GRM4: variants seen among roughly 807,000 people sequenced by gnomAD.
GRM4 encodes the protein glutamate metabotropic receptor 4.
Under a neutral mutation model 81.7 loss-of-function variants are expected in GRM4, and 28 were observed. The observed-to-expected ratio is 0.34, with a 90% confidence interval of 0.25 to 0.47. The LOEUF (loss-of-function observed/expected upper bound fraction) is 0.47, where lower values mean the gene tolerates loss of function less well. Among genes scored for constraint, GRM4 ranks in the 20% least tolerant of loss-of-function variants. The pLI is 1.00. For missense variants in GRM4, 948 were observed against 1,290.0 expected (o/e 0.73, Z 4.06); for synonymous variants, 488 against 528.8 (o/e 0.92, Z 1.06).
upstream of GRM4, among the ~76,000 whole-genome samples, chr6:34,147,844 G>A (rs1281005882): frequency 2.0e-5 from 3 of 152,180 alleles, no homozygotes; most frequent in South Asian, 2.1e-4. Flanking sequence ...TTAGGCGGCT[G>A]TAAGTGGGAG....
In GRM4 at chr6:34,068,513, C is replaced by T. The variant is rs1023284535; in HGVS notation, c.737-6485G>A. Among the ~76,000 whole-genome samples the T allele has an allele frequency of 1.3e-5, 2 of 152,084 alleles. No homozygotes were observed. Among genetic ancestry groups the T allele is most frequent in the African/African-American group, 4.8e-5 (2 of 41,382 alleles). On this transcript the variant is annotated intron_variant, in intron 3 of 10. Coordinates refer to ENST00000538487, the MANE Select transcript of GRM4 (RefSeq NM_000841.4). The surrounding 1 kb of genome is among the most constrained non-coding windows in gnomAD (Gnocchi z 4.2). ...CTCCTTGCAGCACTTCCCCATCCTCCCTGGCATGGCTCTCCCCACCCCACC... is the reference window on the plus strand; with the variant it reads ...CTCCTTGCAGCACTTCCCCATCCTCTCTGGCATGGCTCTCCCCACCCCACC...
chr6:34,026,256 C>T (rs1764128394), intron 10 of GRM4, among the ~76,000 whole-genome samples: 2 of 152,316 alleles, frequency 1.3e-5, no homozygotes, highest in South Asian at 2.1e-4. Flanking sequence ...CCTGCTCACA[C>T]CCCCTCCATC....
At chr6:34,081,620 C>T (rs544126319) in intron 3 of GRM4, among the ~76,000 whole-genome samples, 66 of 152,308 alleles carry the variant, frequency 4.3e-4, no homozygotes, top group African/African-American at 1.3e-3. Context: ...GAATCATGTA[C>T]GGCCATACAG....
In GRM4 at chr6:34,031,239, C is replaced by T. The variant is rs140662865; in HGVS notation, c.2443-2873G>A. Among the ~76,000 whole-genome samples, 110 of 152,334 alleles carry T rather than the reference C, an allele frequency of 7.2e-4. 1 individual carries two copies. The Middle Eastern group carries it at 0.01, about 14-fold the overall frequency. ...TCCCACCCACCTGCCTCTTAGCCCGCTGGTGCCTGAACTCCCACCATCCCT... is the reference window on the plus strand; with the variant it reads ...TCCCACCCACCTGCCTCTTAGCCCGTTGGTGCCTGAACTCCCACCATCCCT... On this transcript the variant is annotated intron_variant, in intron 9 of 10. Transcript: ENST00000538487.
chr6:34,053,892 C>T (rs1193012618), intron 6 of GRM4, among the ~76,000 whole-genome samples: 2 of 152,254 alleles, frequency 1.3e-5, no homozygotes, highest in African/African-American at 4.8e-5. Flanking sequence ...TTGTAAAAAT[C>T]CACGGCCTAG....
chr6:34,115,284 G>A lies in GRM4; in HGVS notation c.519+17694C>T, dbSNP rs1769547111. Among the ~76,000 whole-genome samples, 1 of 152,226 alleles carries A rather than the reference G, an allele frequency of 6.6e-6. No individual in the cohort carries two copies. Among genetic ancestry groups the A allele is most frequent in the African/African-American group, 2.4e-5 (1 of 41,448 alleles). ...TGTGTGCATGCGTGTGGCCACCCCCGTGGGTGAGGACAGCAGGCACAACAC... is the reference window on the plus strand; with the variant it reads ...TGTGTGCATGCGTGTGGCCACCCCCATGGGTGAGGACAGCAGGCACAACAC... On this transcript the variant is annotated intron_variant, in intron 2 of 10. Coordinates refer to ENST00000538487, the MANE Select transcript of GRM4 (RefSeq NM_000841.4). The surrounding 1 kb of genome is among the most constrained non-coding windows in gnomAD (Gnocchi z 4.1).
In GRM4 at chr6:34,059,268, C is replaced by A; in HGVS notation, c.873-140G>T. ...AACTGTCCCAGCACCGATGCTTTCA[C>A]CCCAAGCCATGGATTCCCCCTACCC... is the stretch of plus-strand genomic sequence containing the variant. On this transcript the variant is annotated intron_variant, in intron 4 of 10. Coordinates refer to ENST00000538487, the MANE Select transcript of GRM4 (RefSeq NM_000841.4). The surrounding 1 kb of genome is among the most constrained non-coding windows in gnomAD (Gnocchi z 5.7). 1.4e-6 allele frequency: 1 copy of A among 739,562 alleles called. No homozygotes were observed. Among genetic ancestry groups the A allele is most frequent in the Non-Finnish European group, 2.3e-6 (1 of 444,186 alleles). The allele number at this position is 739,562 out of a possible 1,614,324, so 45.8% of individuals were successfully genotyped here. A position where few individuals can be genotyped will look rare whatever the true frequency, so the allele number is the denominator to read the frequency against.
intron 3 of GRM4, among the ~76,000 whole-genome samples, chr6:34,088,230 C>T (rs1768015460): frequency 6.6e-6 from 1 of 152,178 alleles, no homozygotes; most frequent in Admixed American, 6.5e-5. Context: ...TCAAGCGATT[C>T]TCTTGCCTCA....
At chr6:34,084,159 C>T (rs556602820) in intron 3 of GRM4, among the ~76,000 whole-genome samples, 54 of 152,310 alleles carry the variant, frequency 3.5e-4, no homozygotes, top group African/African-American at 1.1e-3. Context: ...GCAGCCTGTC[C>T]GTGCCAGCTG....
chr6:34,043,556 G>A lies in GRM4; in HGVS notation c.1169-2808C>T, dbSNP rs140857922. Among the ~76,000 whole-genome samples, 43 of 152,278 alleles carry A rather than the reference G, an allele frequency of 2.8e-4. No homozygotes were observed. In the East Asian group the frequency reaches 6.8e-3, roughly 24 times the overall value. On this transcript the variant is annotated intron_variant, in intron 6 of 10. Transcript: ENST00000538487. ...ACCAGGGATGGAGTGGGAGGCTACG[G>A]CCGCTGCAGAGAGAAGGCAGCTCTC...
Position 34,091,598 on chromosome 6 carries a change from A to C in GRM4, c.736+285T>G, listed in dbSNP as rs371431790. The C allele has an allele frequency of 5.8e-4, 260 of 447,194 alleles. 3 individuals carry two copies. In the South Asian group the frequency reaches 7.7e-3, roughly 13 times the overall value. 27.7% of individuals were successfully genotyped at this position (447,194 alleles called of 1,614,324 possible). ...CCCCATCCCTTCCTCTGCTGTGAGG[A>C]GAGCGGCCGCCCCGCAGGCTCCTGC... On this transcript the variant is annotated intron_variant, in intron 3 of 10. Coordinates refer to ENST00000538487, the MANE Select transcript of GRM4 (RefSeq NM_000841.4).
rs765712266 is a variant in GRM4, at chr6:34,115,175, T to A, written c.519+17803A>T. Among the ~76,000 whole-genome samples the A allele has an allele frequency of 7.2e-4, 109 of 152,326 alleles. No individual in the cohort carries two copies. The highest frequency in any genetic ancestry group is 1.3e-3 in the Admixed American group (20 of 15,308). ...TGCCTAAACGCCAACACGCTGCCTC[T>A]GGGCCAGCCACCAGCCAGAACAGCA... On this transcript the variant is annotated intron_variant, in intron 2 of 10. Transcript: ENST00000538487. The surrounding 1 kb of genome is among the most constrained non-coding windows in gnomAD (Gnocchi z 4.1).
In GRM4 at chr6:34,134,620, A is replaced by C. The variant is rs551520733; in HGVS notation, c.-363-761T>G. On this transcript the variant is annotated intron_variant, in intron 1 of 10. Transcript: ENST00000538487. ...ACCCCAGGCAGAGCAGGGGAAACCCAGCAGCCCCTGCATGAGGAGCAGGCC... is the reference window on the plus strand; with the variant it reads ...ACCCCAGGCAGAGCAGGGGAAACCCCGCAGCCCCTGCATGAGGAGCAGGCC... 3.3e-5 allele frequency among the ~76,000 whole-genome samples: 5 copies of C among 152,242 alleles called. No individual in the cohort carries two copies. The East Asian group carries it at 9.7e-4, about 29-fold the overall frequency.
chr6:34,084,960 T>G (rs1767809480), intron 3 of GRM4, among the ~76,000 whole-genome samples: 1 of 152,172 alleles, frequency 6.6e-6, no homozygotes, highest in South Asian at 2.1e-4. Context: ...AGGCGGGCTC[T>G]GCTGAGCACC....
chr6:34,145,659 C>T (rs1261672319), intron 1 of GRM4, among the ~76,000 whole-genome samples: 1 of 152,172 alleles, frequency 6.6e-6, no homozygotes, highest in African/African-American at 2.4e-5. Context: ...CGGGAGAGGG[C>T]GGGAGAGCCG....
rs1245277025 is a variant in GRM4 at position 34,040,217 on chromosome 6, G to A, written c.1467C>T (p.Tyr489=). The change falls in exon 8 of 11, where the codon TAC becomes TAT. Residue 489 remains tyrosine (Y), a synonymous_variant. Coordinates refer to ENST00000538487, the MANE Select transcript of GRM4 (RefSeq NM_000841.4). ...QYQLRNDSAE[Y]KVIGSWTDHL... is the part of the protein sequence containing the mutation. ...GGTCAGTCCAGGAGCCAATGACCTT[G>A]TACTCGGCAGAATCGTTGCGCAGCT... 2 of 1,614,016 alleles carry A rather than the reference G, an allele frequency of 1.2e-6. No individual in the cohort carries two copies. Among genetic ancestry groups the A allele is most frequent in the Non-Finnish European group, 1.7e-6 (2 of 1,179,944 alleles).
Position 34,070,439 on chromosome 6 carries a change from G to T in GRM4, c.737-8411C>A, listed in dbSNP as rs909025301. 2.6e-5 allele frequency among the ~76,000 whole-genome samples: 4 copies of T among 152,080 alleles called. No individual in the cohort carries two copies. Among genetic ancestry groups the T allele is most frequent in the Non-Finnish European group, 4.4e-5 (3 of 68,018 alleles). ...TGCATGCTGGCTGTGCAAAGGCACC[G>T]GGTCACAAGGGCCCTGCCTGAAGAC... On this transcript the variant is annotated intron_variant, in intron 3 of 10. Transcript: ENST00000538487. This position sits in a 1 kb window ranked among gnomAD's most constrained non-coding sequence, Gnocchi z 4.6.
intron 1 of GRM4, among the ~76,000 whole-genome samples, chr6:34,151,451 G>T (rs994393931): frequency 6.6e-6 from 1 of 152,172 alleles, no homozygotes; most frequent in Non-Finnish European, 1.5e-5. Context: ...TGAGCCAAAT[G>T]TCATTAGCAT....
In GRM4 at chr6:34,133,728, G is replaced by C. The variant is rs1770344893; in HGVS notation, c.-232C>G. 2 of 1,299,032 alleles carry C rather than the reference G, an allele frequency of 1.5e-6. No homozygotes were observed. The highest frequency in any genetic ancestry group is 1.9e-6 in the Non-Finnish European group (2 of 1,028,292). 80.5% of individuals were successfully genotyped at this position (1,299,032 alleles called of 1,614,324 possible). A position where few individuals can be genotyped will look rare whatever the true frequency, so the allele number is the denominator to read the frequency against. On this transcript the variant is annotated 5_prime_UTR_variant, in exon 2 of 11. Transcript: ENST00000538487. The surrounding 1 kb of genome is among the most constrained non-coding windows in gnomAD (Gnocchi z 6.5). ...ACAGCAGGCAGTGGCCGGGGTTGCA[G>C]GAAGGCTCTGATCCTTGTCCCGTCC...
Sources: allele counts gnomAD v4.1 joint callset (sites outside exome capture counted in the v4.1 genomes callset), GRCh38; gene constraint gnomAD v4.1.1; non-coding constraint Gnocchi (gnomAD v3.1); transcripts MANE v1.5; gene names NCBI Gene and HGNC (gene_info 2026-07-23, HGNC 2026-07-21).